The following LRMDA variants were observed in gnomAD, a reference collection of about 807,000 sequenced individuals.
LRMDA encodes leucine-rich melanocyte differentiation-associated protein.
Under a neutral mutation model 29.8 loss-of-function variants are expected in LRMDA, and 18 were observed. The observed-to-expected ratio is 0.60, with a 90% confidence interval of 0.42 to 0.90. LRMDA has a LOEUF of 0.90. Ranked by LOEUF, LRMDA falls within the 40% of genes least tolerant of loss-of-function variation. The pLI is 0.00. For synonymous variants in LRMDA, 125 were observed against 109.4 expected (o/e 1.14, Z -0.89); for missense variants, 273 against 273.9 (o/e 1.00, Z 0.02).
chr10:75,869,310 T>C (rs1845070208), intron 2 of LRMDA, among the ~76,000 whole-genome samples: 2 of 152,198 alleles, frequency 1.3e-5, no homozygotes, highest in African/African-American at 4.8e-5. Flanking sequence ...TGGAGCCTAG[T>C]TCTGGTTACC....
At position 75,486,262 on chromosome 10, in the gene LRMDA, TATAAATAGGCACTTAAA is replaced by T. The variant is rs146888437; in HGVS notation, c.131+47770_131+47786del. Among the ~76,000 whole-genome samples the T allele has an allele frequency of 2.6e-3, 394 of 152,342 alleles. 13 individuals are homozygous for T. The East Asian group carries it at 0.054, about 21-fold the overall frequency. ...TATTACTTAGTAGATGGTCAAGTTT[TATAAATAGGCACTTAAA>T]AAATTGTATCTTTATTTTCACACTA... On this transcript the variant is annotated intron_variant, in intron 2 of 6. Transcript: ENST00000611255.
intron 2 of LRMDA, among the ~76,000 whole-genome samples, chr10:75,761,151 A>G (rs539830949): frequency 6.6e-6 from 1 of 152,292 alleles, no homozygotes; most frequent in African/African-American, 2.4e-5. Flanking sequence ...TTAAACATAG[A>G]ATTACCATGT....
chr10:75,598,836 G>A (rs1338703163), intron 2 of LRMDA, among the ~76,000 whole-genome samples: 2 of 152,118 alleles, frequency 1.3e-5, no homozygotes, highest in African/African-American at 4.8e-5. Context: ...TAGACATGAA[G>A]GGCCTTACTT....
intron 2 of LRMDA, among the ~76,000 whole-genome samples, chr10:75,692,225 TATATATATATATATATATATATAC>T: frequency 1.4e-5 from 1 of 69,424 alleles, no homozygotes; most frequent in South Asian, 3.9e-4. Flanking sequence ...AAAAAATATA[TATATATATATATATATATATATAC>T]ATATATATAT....
At chr10:76,200,813 G>A (rs1189797684) in intron 5 of LRMDA, among the ~76,000 whole-genome samples, 3 of 150,794 alleles carry the variant, frequency 2.0e-5, no homozygotes, top group Non-Finnish European at 4.4e-5. Flanking sequence ...TGCCTCCCAG[G>A]TTCAAGCTAT....
At chr10:75,973,021 A>G (rs796669226) in intron 2 of LRMDA, among the ~76,000 whole-genome samples, 2 of 148,856 alleles carry the variant, frequency 1.3e-5, no homozygotes, top group Non-Finnish European at 3.0e-5. Context: ...CACTTTAACA[A>G]CAGCAGCAGC....
intron 2 of LRMDA, among the ~76,000 whole-genome samples, chr10:75,548,178 A>G (rs796132351): frequency 3.4e-4 from 51 of 152,080 alleles, no homozygotes; most frequent in African/African-American, 1.2e-3. Context: ...ACGGATGATT[A>G]AGGAAGTTAT....
At chr10:75,774,835 T>C (rs766023887) in intron 2 of LRMDA, among the ~76,000 whole-genome samples, 19 of 152,194 alleles carry the variant, frequency 1.2e-4, no homozygotes, top group Non-Finnish European at 1.0e-4. Context: ...CTTAGACATA[T>C]TGGCTCTTTG....
intron 5 of LRMDA, among the ~76,000 whole-genome samples, chr10:76,295,916 A>G (rs1013078889): frequency 3.3e-5 from 5 of 152,142 alleles, no homozygotes; most frequent in African/African-American, 1.2e-4. Flanking sequence ...TTTGGGACTG[A>G]TACATCTTTG....
chr10:76,477,066 T>G (rs1040638621), intron 6 of LRMDA, among the ~76,000 whole-genome samples: 2 of 151,830 alleles, frequency 1.3e-5, no homozygotes, highest in South Asian at 2.1e-4. Flanking sequence ...TCAGGCAGGA[T>G]AAATAAATAA....
intron 4 of LRMDA, among the ~76,000 whole-genome samples, chr10:76,055,251 C>T (rs994466136): frequency 6.6e-6 from 1 of 151,794 alleles, no homozygotes; most frequent in African/African-American, 2.4e-5. Context: ...CAGGAAGTAG[C>T]CAGAGTCAAA....
intron 2 of LRMDA, among the ~76,000 whole-genome samples, chr10:75,798,271 T>C (rs1172878060): frequency 6.6e-6 from 1 of 152,104 alleles, no homozygotes; most frequent in Non-Finnish European, 1.5e-5. Flanking sequence ...TGGGTTATCT[T>C]TTCATTTTTT....
At chr10:75,876,810 T>G (rs773368082) in intron 2 of LRMDA, among the ~76,000 whole-genome samples, 1 of 152,310 alleles carries the variant, frequency 6.6e-6, no homozygotes, top group South Asian at 2.1e-4. Context: ...TCCTTAGTGT[T>G]TGGCATTTTG....
Position 76,058,577 on chromosome 10 carries a change from G to A in LRMDA, c.399-89G>A, listed in dbSNP as rs1221735181. 4.8e-6 allele frequency: 5 copies of A among 1,050,032 alleles called. No homozygotes were observed. The Admixed American group carries it at 6.8e-5, about 14-fold the overall frequency. The allele number at this position is 1,050,032 out of a possible 1,614,324, so 65.0% of individuals were successfully genotyped here. A position where few individuals can be genotyped will look rare whatever the true frequency, so the allele number is the denominator to read the frequency against. On this transcript the variant is annotated intron_variant, in intron 4 of 6. Transcript: ENST00000611255. ...GGTCTAAGTTCCAGAAGACCGGATG[G>A]TGTGGATTCTTGAAGATCAGACAAG...
At chr10:76,554,396 G>A (rs1465886138) in intron 6 of LRMDA, among the ~76,000 whole-genome samples, 2 of 152,196 alleles carry the variant, frequency 1.3e-5, no homozygotes, top group African/African-American at 2.4e-5. Flanking sequence ...CAGCCCCTTT[G>A]TTTGAAGTCT....
chr10:76,472,366 A>G (rs1842626635), intron 6 of LRMDA, among the ~76,000 whole-genome samples: 1 of 151,820 alleles, frequency 6.6e-6, no homozygotes, highest in African/African-American at 2.4e-5. Flanking sequence ...TGAATGAAAA[A>G]GACACACAAC....
chr10:76,189,523 G>T (rs1056323175), intron 5 of LRMDA, among the ~76,000 whole-genome samples: 1 of 152,140 alleles, frequency 6.6e-6, no homozygotes, highest in Non-Finnish European at 1.5e-5. Context: ...TTTTATCACA[G>T]CAACCACTGA....
intron 6 of LRMDA, among the ~76,000 whole-genome samples, chr10:76,421,106 A>C (rs981749663): frequency 1.3e-5 from 2 of 152,016 alleles, no homozygotes; most frequent in Non-Finnish European, 2.9e-5. Context: ...TGCTTCTTTT[A>C]CTTACTGAGA....
intron 5 of LRMDA, among the ~76,000 whole-genome samples, chr10:76,232,840 G>T (rs1024014431): frequency 1.3e-5 from 2 of 152,210 alleles, no homozygotes; most frequent in Non-Finnish European, 2.9e-5. Flanking sequence ...TCCCCTGTGT[G>T]TCTGGGCCTG....
Sources: allele counts gnomAD v4.1 joint callset (sites outside exome capture counted in the v4.1 genomes callset), GRCh38; gene constraint gnomAD v4.1.1; transcripts MANE v1.5; gene names NCBI Gene and HGNC (gene_info 2026-07-23, HGNC 2026-07-21).